COL25A1: variants seen among roughly 807,000 people sequenced by gnomAD.
COL25A1 encodes the protein collagen type XXV alpha 1 chain, also known as collagen alpha-1(XXV) chain.
COL25A1 carries 103 observed loss-of-function variants against 128.4 expected under a neutral mutation model. The ratio of observed to expected loss-of-function variants is 0.80; its 90% CI spans 0.68 to 0.94. COL25A1 has a LOEUF of 0.94. Among genes scored for constraint, COL25A1 ranks in the 40% least tolerant of loss-of-function variants. The pLI is 0.00. For missense variants in COL25A1, 745 were observed against 840.0 expected (o/e 0.89, Z 1.40); for synonymous variants, 279 against 277.2 (o/e 1.01, Z -0.06).
chr4:109,172,681 A>G (rs1395279933), intron 3 of COL25A1, among the ~76,000 whole-genome samples: 1 of 152,214 alleles, frequency 6.6e-6, no homozygotes, highest in Non-Finnish European at 1.5e-5. Context: ...TCTGAGGCCA[A>G]AATTTGAAAG....
chr4:109,073,084 C>G lies in COL25A1; in HGVS notation c.368-22905G>C, dbSNP rs77840101. On this transcript the variant is annotated intron_variant, in intron 3 of 37. Coordinates refer to ENST00000399132, the MANE Select transcript of COL25A1 (RefSeq NM_198721.4). The stretch of plus-strand genomic sequence containing the variant: ...TGGGATCACTATACTGTTATACACA[C>G]AATCTGGCCTATTTCAGAACCTCTG... Among the ~76,000 whole-genome samples, 1,201 of 152,180 alleles carry G rather than the reference C, an allele frequency of 7.9e-3. 16 individuals carry two copies. Among genetic ancestry groups the G allele is most frequent in the African/African-American group, 0.028 (1,151 of 41,524 alleles).
intron 3 of COL25A1, among the ~76,000 whole-genome samples, chr4:109,205,034 A>G (rs1344472687): frequency 6.6e-6 from 1 of 152,222 alleles, no homozygotes; most frequent in Non-Finnish European, 1.5e-5. Flanking sequence ...ATTAAGGAGC[A>G]TGGCAAAAAG....
chr4:109,160,641 T>C (rs772203515), intron 3 of COL25A1, among the ~76,000 whole-genome samples: 9 of 152,158 alleles, frequency 5.9e-5, no homozygotes, highest in Non-Finnish European at 1.3e-4. Context: ...CACTAATTAC[T>C]ACAAGACTGG....
intron 3 of COL25A1, among the ~76,000 whole-genome samples, chr4:109,132,844 G>A (rs1022196727): frequency 6.6e-6 from 1 of 151,988 alleles, no homozygotes; most frequent in Non-Finnish European, 1.5e-5. Flanking sequence ...AATATGTTCT[G>A]CTTTGATTTT....
At position 109,115,913 on chromosome 4, in the gene COL25A1, C is replaced by A. The variant is rs76875291; in HGVS notation, c.368-65734G>T. ...CACCTACCATGTATCCTAGAGGTGA[C>A]CCCTAGGTTACATACATAACAGATA... On this transcript the variant is annotated intron_variant, in intron 3 of 37. Transcript: ENST00000399132. Among the ~76,000 whole-genome samples, 3 of 152,088 alleles carry A rather than the reference C, an allele frequency of 2.0e-5. No homozygotes were observed. The East Asian group carries it at 5.8e-4, about 29-fold the overall frequency.
chr4:108,896,581 A>T lies in COL25A1; in HGVS notation c.906+86T>A, dbSNP rs929455123. 8.2e-6 allele frequency: 9 copies of T among 1,102,102 alleles called. No individual in the cohort carries two copies. The Admixed American group carries it at 1.5e-4, about 19-fold the overall frequency. 68.3% of individuals were successfully genotyped at this position (1,102,102 alleles called of 1,614,324 possible). On this transcript the variant is annotated intron_variant, in intron 16 of 37. Coordinates refer to ENST00000399132, the MANE Select transcript of COL25A1 (RefSeq NM_198721.4). ...TTTTCATATTAAGCAACTCTCACTC[A>T]TCTCTCTAAAAATCCCCCATCTTCA... is the stretch of plus-strand genomic sequence containing the variant.
At chr4:109,220,896 C>T (rs1465501504) in intron 3 of COL25A1, among the ~76,000 whole-genome samples, 1 of 151,928 alleles carries the variant, frequency 6.6e-6, no homozygotes, top group Non-Finnish European at 1.5e-5. Context: ...TATAAGTAGA[C>T]AACTATTTTA....
At chr4:109,001,375 G>GCATCTGAGATCCTGTCAGGTAGT (rs2126030089) in intron 6 of COL25A1, among the ~76,000 whole-genome samples, 2 of 152,294 alleles carry the variant, frequency 1.3e-5, no homozygotes, top group South Asian at 2.1e-4. Context: ...AAAGAAACAG[G>GCATCTGAGATCCTGTCAGGTAGT]CATCTGAGAT....
intron 3 of COL25A1, among the ~76,000 whole-genome samples, chr4:109,288,199 A>G (rs914734116): frequency 1.1e-4 from 16 of 152,288 alleles, no homozygotes; most frequent in African/African-American, 3.8e-4. Flanking sequence ...AGGCCCAGGA[A>G]TAACTAAGGC....
intron 3 of COL25A1, among the ~76,000 whole-genome samples, chr4:109,112,646 T>A (rs1289423886): frequency 6.6e-6 from 1 of 152,068 alleles, no homozygotes; most frequent in African/African-American, 2.4e-5. Flanking sequence ...AGGAAACTTA[T>A]CCTCAAAAAA....
chr4:109,003,615 A>G (rs2126033857), intron 6 of COL25A1, among the ~76,000 whole-genome samples: 1 of 152,352 alleles, frequency 6.6e-6, no homozygotes, highest in East Asian at 1.9e-4. Context: ...AACCTGACCA[A>G]CATGGTGAAA....
At chr4:109,227,573 G>A (rs913676652) in intron 3 of COL25A1, among the ~76,000 whole-genome samples, 2 of 152,148 alleles carry the variant, frequency 1.3e-5, no homozygotes, top group East Asian at 1.9e-4. Context: ...TGCAATTAGC[G>A]ATTTTCTGCT....
At chr4:108,892,345 T>C (rs1234517302) in intron 16 of COL25A1, among the ~76,000 whole-genome samples, 1 of 152,224 alleles carries the variant, frequency 6.6e-6, no homozygotes, top group African/African-American at 2.4e-5. Context: ...TTTCCATTTT[T>C]GTTTGTGATT....
At chr4:108,836,632 C>T (rs1243427559) in intron 31 of COL25A1, among the ~76,000 whole-genome samples, 1 of 151,974 alleles carries the variant, frequency 6.6e-6, no homozygotes, top group Non-Finnish European at 1.5e-5. Context: ...CAGAGTGAGA[C>T]ACTGTCTCAA....
At chr4:108,816,799 A>G (rs757546358) in intron 37 of COL25A1, among the ~76,000 whole-genome samples, 3 of 152,194 alleles carry the variant, frequency 2.0e-5, no homozygotes, top group Non-Finnish European at 4.4e-5. Flanking sequence ...CTTGTCATAC[A>G]GCCTTTGCAC....
intron 3 of COL25A1, among the ~76,000 whole-genome samples, chr4:109,218,667 A>C (rs1454160819): frequency 6.6e-6 from 1 of 151,966 alleles, no homozygotes; most frequent in African/African-American, 2.4e-5. Context: ...GTTTGCATCT[A>C]ATATTATATA....
In COL25A1 at chr4:108,996,483, A is replaced by G. The variant is rs148852760; in HGVS notation, c.438+13875T>C. 4.9e-3 allele frequency among the ~76,000 whole-genome samples: 745 copies of G among 152,244 alleles called. 17 individuals carry two copies. In the East Asian group the frequency reaches 0.067, roughly 14 times the overall value. On this transcript the variant is annotated intron_variant, in intron 6 of 37. Coordinates refer to ENST00000399132, the MANE Select transcript of COL25A1 (RefSeq NM_198721.4). ...CCAGATTCATAAAGCACATCCTTAG[A>G]GACCTACAAAGAGACTTAGACTCCC...
Position 108,974,358 on chromosome 4 carries a change from A to G in COL25A1, c.492+9T>C. On this transcript the variant is annotated intron_variant, in intron 8 of 37. Coordinates refer to ENST00000399132, the MANE Select transcript of COL25A1 (RefSeq NM_198721.4). ...ATTTTCCGCCCAAGATAGGTAGAGC[A>G]CAACTTACCCTAGGTCCCTGATCAC... 6.2e-7 allele frequency: 1 copy of G among 1,613,984 alleles called. No individual in the cohort carries two copies.
chr4:109,155,555 G>A (rs150812599), intron 3 of COL25A1, among the ~76,000 whole-genome samples: 2 of 152,246 alleles, frequency 1.3e-5, no homozygotes, highest in Non-Finnish European at 2.9e-5. Flanking sequence ...TAAAAGTAAC[G>A]CACTAAACAT....
Sources: allele counts gnomAD v4.1 joint callset (sites outside exome capture counted in the v4.1 genomes callset), GRCh38; gene constraint gnomAD v4.1.1; transcripts MANE v1.5; gene names NCBI Gene and HGNC (gene_info 2026-07-23, HGNC 2026-07-21).